The following ARSF variants were observed in gnomAD, a reference collection of about 807,000 sequenced individuals.
ARSF encodes arylsulfatase F.
A neutral mutation model predicts 35.4 loss-of-function variants in ARSF; 33 were observed. That is an observed-to-expected ratio of 0.93 (90% confidence interval 0.71 to 1.25). The LOEUF (loss-of-function observed/expected upper bound fraction) is 1.25. ARSF is among the 50% of genes most tolerant of loss of function. ARSF has a pLI of 0.00. For missense variants in ARSF, 501 were observed against 480.2 expected (o/e 1.04, Z -0.40); for synonymous variants, 222 against 193.1 (o/e 1.15, Z -1.24).
chrX:3,085,356 GATAA>G (rs2090240096), intron 6 of ARSF, among the ~76,000 whole-genome samples: 1 of 102,269 alleles, frequency 9.8e-6, no homozygotes, highest in Non-Finnish European at 2.0e-5. Context: ...GATACATATA[GATAA>G]ATATATATAT....
intron 1 of ARSF, among the ~76,000 whole-genome samples, chrX:3,046,481 C>T (rs765712047): frequency 3.1e-3 from 350 of 112,001 alleles, no homozygotes; most frequent in Non-Finnish European, 5.4e-3. Context: ...TAAGGAGATG[C>T]AGCTGGCTTG....
intron 1 of ARSF, among the ~76,000 whole-genome samples, chrX:3,049,431 A>G (rs1020476485): frequency 8.9e-6 from 1 of 111,995 alleles, no homozygotes; most frequent in Non-Finnish European, 1.9e-5. Context: ...GGAATCTATC[A>G]GATATGCATT....
intron 1 of ARSF, among the ~76,000 whole-genome samples, chrX:3,065,693 A>G (rs771494379): frequency 1.7e-3 from 191 of 110,113 alleles, no homozygotes; most frequent in Non-Finnish European, 3.2e-3. Flanking sequence ...TTAGGGAATA[A>G]GTTCACATCT....
chrX:3,048,548 T>C (rs1055071388), intron 1 of ARSF, among the ~76,000 whole-genome samples: 5 of 112,402 alleles, frequency 4.4e-5, no homozygotes, highest in African/African-American at 1.6e-4. Flanking sequence ...TCGTGTCTAC[T>C]TCTAATCTGA....
At chrX:3,079,476 C>G (rs1823740995) in intron 4 of ARSF, among the ~76,000 whole-genome samples, 3 of 107,957 alleles carry the variant, frequency 2.8e-5, no homozygotes, top group African/African-American at 1.0e-4. Context: ...TCCTGAGTAG[C>G]TGGGATTACA....
intron 1 of ARSF, among the ~76,000 whole-genome samples, chrX:3,052,768 C>CT (rs1381065173): frequency 4.5e-5 from 5 of 110,442 alleles, no homozygotes; most frequent in Non-Finnish European, 9.4e-5. Flanking sequence ...TTGCAGCTAC[C>CT]TTTTTTTATG....
chrX:3,060,484 G>A (rs989230420), intron 1 of ARSF, among the ~76,000 whole-genome samples: 5 of 111,922 alleles, frequency 4.5e-5, no homozygotes, highest in Non-Finnish European at 9.4e-5. Context: ...GACAGAAGTA[G>A]GCTTCAGAAG....
intron 7 of ARSF, among the ~76,000 whole-genome samples, chrX:3,096,075 A>G (rs974360258): frequency 9.2e-6 from 1 of 108,384 alleles, no homozygotes. Context: ...TTTGTATAGT[A>G]TATGTTAGTA....
rs191817939 is a variant in ARSF at position 3,063,434 on chromosome X, A to G, written c.-28-4639A>G. 2.7e-5 allele frequency among the ~76,000 whole-genome samples: 3 copies of G among 111,817 alleles called. No individual in the cohort carries two copies. In the Admixed American group the frequency reaches 2.9e-4, roughly 11 times the overall value. ...CTCTTTCACCACTCCTATTCAACATAGTGTTGGAAGTTCTGGTCAGGGCAA... is the reference window on the plus strand; with the variant it reads ...CTCTTTCACCACTCCTATTCAACATGGTGTTGGAAGTTCTGGTCAGGGCAA... On this transcript the variant is annotated intron_variant, in intron 1 of 10. Coordinates refer to ENST00000381127, the MANE Select transcript of ARSF (RefSeq NM_001201539.2).
rs775233348 is a variant in ARSF at position 3,076,659 on chromosome X, C to G, written c.273C>G (p.Pro91=). 5 of 1,211,364 alleles carry G rather than the reference C, an allele frequency of 4.1e-6. No individual in the cohort carries two copies. In the South Asian group the frequency reaches 5.3e-5, roughly 13 times the overall value. ...SRSAFLTGRY[P]IRSGMVSSGN... is the part of the protein sequence containing the mutation. Reference sequence around the variant, plus strand: ...CCGCGTTCTTGACGGGAAGATACCCCATCCGATCAGGTGCGCAAACTGGCG... The same window carrying G: ...CCGCGTTCTTGACGGGAAGATACCCGATCCGATCAGGTGCGCAAACTGGCG... Residue 91 remains proline, a synonymous_variant, in exon 4 of 11, where the codon CCC becomes CCG. Transcript: ENST00000381127.
At chrX:3,076,398 C>T in intron 3 of ARSF, 150 bp from the exon 4 acceptor site, 1 of 581,638 alleles carries the variant, frequency 1.7e-6, no homozygotes, top group Non-Finnish European at 2.6e-6. Context: ...CTTTCTGGGT[C>T]TCTCCCTCTC....
At chrX:3,076,187 C>G (rs1293685281) in intron 3 of ARSF, among the ~76,000 whole-genome samples, 1 of 108,602 alleles carries the variant, frequency 9.2e-6, no homozygotes, top group Non-Finnish European at 1.9e-5. Context: ...TTCTGTCTTT[C>G]TCTCTCCTTT....
chrX:3,090,915 C>CTT (rs374014933), intron 7 of ARSF, among the ~76,000 whole-genome samples: 1 of 101,939 alleles, frequency 9.8e-6, no homozygotes. Flanking sequence ...GTGCACATGT[C>CTT]TTTTTTTTTT....
chrX:3,074,540 T>A (rs1427309946), intron 3 of ARSF, among the ~76,000 whole-genome samples: 1 of 111,423 alleles, frequency 9.0e-6, no homozygotes, highest in African/African-American at 3.3e-5. Context: ...CTTGTTAAAT[T>A]ATTTTTTAAT....
intron 10 of ARSF, among the ~76,000 whole-genome samples, chrX:3,111,663 G>A (rs947997280): frequency 9.1e-6 from 1 of 110,320 alleles, no homozygotes. Flanking sequence ...TGATTCAAAT[G>A]CATGACATTT....
At chrX:3,080,591 A>G (rs1167976161) in intron 4 of ARSF, among the ~76,000 whole-genome samples, 1 of 111,635 alleles carries the variant, frequency 9.0e-6, no homozygotes, top group Non-Finnish European at 1.9e-5. Context: ...CTGGAAGTCC[A>G]AGATCAAGGC....
intron 8 of ARSF, among the ~76,000 whole-genome samples, chrX:3,101,755 G>A (rs1055810328): frequency 4.5e-5 from 5 of 111,645 alleles, no homozygotes; most frequent in African/African-American, 1.3e-4. Context: ...CCACAAAATA[G>A]GTCCATAAGC....
intron 4 of ARSF, among the ~76,000 whole-genome samples, chrX:3,080,005 A>AG (rs2090187533): frequency 7.2e-5 from 6 of 83,650 alleles, no homozygotes. Flanking sequence ...GAGAGAGAGA[A>AG]AAAAAAAAAA....
chrX:3,089,626 A>C lies in ARSF; in HGVS notation c.961A>C (p.Met321Leu), dbSNP rs1329192672. The C allele has an allele frequency of 8.3e-7, 1 of 1,210,685 alleles. No individual in the cohort carries two copies. Among genetic ancestry groups the C allele is most frequent in the Non-Finnish European group, 1.1e-6 (1 of 894,785 alleles). ...GGATAATGTGGAAGAGATGGACTCC[A>C]TGGTGGGTAAGTCACAGGACTTAAG... is the stretch of plus-strand genomic sequence containing the variant. ...YGDNVEEMDS[M>L]VGKILDAIDD... The change falls in exon 7 of 11, where the codon ATG (methionine) becomes CTG (leucine). Residue 321 changes from methionine (M) to leucine (L), a missense_variant. Physicochemically the swap from Met to Leu is conservative, Grantham distance 15. Transcript: ENST00000381127.
Sources: gnomAD v4.1 joint callset for allele counts (sites outside exome capture counted in the v4.1 genomes callset) on GRCh38, gnomAD v4.1.1 for gene constraint, MANE v1.5 for transcripts, NCBI Gene and HGNC (gene_info 2026-07-23, HGNC 2026-07-21) for gene names.